Variants in ENTREP2 observed in about 807,000 individuals in gnomAD.
ENTREP2 encodes protein ENTREP2.
At chr15:29,370,491 C>A in the ENTREP2 span, among the ~76,000 whole-genome samples, 1 of 152,090 alleles carries the variant, frequency 6.6e-6, no homozygotes, top group Non-Finnish European at 1.5e-5. Context: ...GAACAACATT[C>A]TGAACAGCTG....
chr15:29,553,871 A>C, the ENTREP2 span, among the ~76,000 whole-genome samples: 17 of 152,298 alleles, frequency 1.1e-4, no homozygotes, highest in African/African-American at 3.6e-4. Context: ...ATCCAACACA[A>C]TCACATGAGA....
the ENTREP2 span, among the ~76,000 whole-genome samples, chr15:29,396,919 T>C: frequency 2.0e-5 from 3 of 152,202 alleles, no homozygotes. Context: ...GGCTATTCAA[T>C]AAATGGTTCT....
chr15:29,206,714 G>C, the ENTREP2 span, among the ~76,000 whole-genome samples: 1 of 152,086 alleles, frequency 6.6e-6, no homozygotes, highest in African/African-American at 2.4e-5. Flanking sequence ...CTCTAAAATT[G>C]ACTGGGGTGG....
At chr15:29,523,931 T>G in the ENTREP2 span, among the ~76,000 whole-genome samples, 1 of 152,072 alleles carries the variant, frequency 6.6e-6, no homozygotes, top group Non-Finnish European at 1.5e-5. Flanking sequence ...ACTATGAAAC[T>G]CTTAGAAAAA....
chr15:29,546,897 ACAACAAC>A, the ENTREP2 span, among the ~76,000 whole-genome samples: 874 of 54,322 alleles, frequency 0.016, 80 homozygotes, highest in East Asian at 0.024. Flanking sequence ...AAAAAAAAAA[ACAACAAC>A]AAAAAAAAAA....
chr15:29,350,468 A>ACTTTTC, the ENTREP2 span, among the ~76,000 whole-genome samples: 145 of 152,136 alleles, frequency 9.5e-4, 2 homozygotes, highest in East Asian at 0.026. Flanking sequence ...CCATTTCGTT[A>ACTTTTC]CTTTTCCTTT....
the ENTREP2 span, among the ~76,000 whole-genome samples, chr15:29,225,121 C>T: frequency 6.6e-6 from 1 of 152,184 alleles, no homozygotes; most frequent in African/African-American, 2.4e-5. Context: ...TTCCTGCTCA[C>T]GCCTCTCCCT....
the ENTREP2 span, among the ~76,000 whole-genome samples, chr15:29,336,334 C>CA: frequency 6.6e-6 from 1 of 151,638 alleles, no homozygotes; most frequent in Non-Finnish European, 1.5e-5. Context: ...TGTTTTGAGA[C>CA]AGAGTCTCAC....
At chr15:29,610,490 A>T in the ENTREP2 span, 1 of 150,718 alleles carries the variant, frequency 6.6e-6, no homozygotes, top group Admixed American at 6.7e-5. Flanking sequence ...AAAAAAAGAA[A>T]AAAACAAAAC....
chr15:29,474,420 A>G, the ENTREP2 span, among the ~76,000 whole-genome samples: 5 of 152,066 alleles, frequency 3.3e-5, no homozygotes, highest in Non-Finnish European at 7.4e-5. Context: ...AAACACATTA[A>G]AACACAAATG....
chr15:29,648,517 G>T, the ENTREP2 span, among the ~76,000 whole-genome samples: 1 of 152,168 alleles, frequency 6.6e-6, no homozygotes, highest in African/African-American at 2.4e-5. Context: ...CAGGACTATA[G>T]TACAGCAAAC....
At chr15:29,466,376 G>A in the ENTREP2 span, among the ~76,000 whole-genome samples, 28 of 152,258 alleles carry the variant, frequency 1.8e-4, no homozygotes, top group South Asian at 5.8e-3. Context: ...AGACACTGCA[G>A]CCCCCAGGAG....
At chr15:29,348,063 A>G in the ENTREP2 span, among the ~76,000 whole-genome samples, 120 of 152,280 alleles carry the variant, frequency 7.9e-4, no homozygotes, top group African/African-American at 2.6e-3. Context: ...AGCTTACCAG[A>G]GTGAGGGGAA....
At chr15:29,497,698 T>C in the ENTREP2 span, among the ~76,000 whole-genome samples, 1 of 152,136 alleles carries the variant, frequency 6.6e-6, no homozygotes, top group Non-Finnish European at 1.5e-5. Flanking sequence ...TAACAGTATG[T>C]CAATTTCATT....
chr15:29,402,703 AT>A, the ENTREP2 span, among the ~76,000 whole-genome samples: 1 of 152,190 alleles, frequency 6.6e-6, no homozygotes, highest in African/African-American at 2.4e-5. Context: ...AAAGTGCATA[AT>A]TTCCCTTCTG....
chr15:29,226,468 C>A, the ENTREP2 span, among the ~76,000 whole-genome samples: 12 of 152,206 alleles, frequency 7.9e-5, no homozygotes, highest in Non-Finnish European at 1.6e-4. Context: ...TGCTAAATTT[C>A]TCATGAAGCC....
chr15:29,212,050 G>A, the ENTREP2 span, among the ~76,000 whole-genome samples: 9 of 152,094 alleles, frequency 5.9e-5, no homozygotes, highest in Non-Finnish European at 1.0e-4. Context: ...CAAAAGGATT[G>A]GTACCAATTC....
At chr15:29,501,669 C>CA in the ENTREP2 span, among the ~76,000 whole-genome samples, 1 of 151,608 alleles carries the variant, frequency 6.6e-6, no homozygotes, top group East Asian at 1.9e-4. Context: ...ATAGCCAGGG[C>CA]AAAAAAGAAT....
At chr15:29,203,723 C>T in the ENTREP2 span, among the ~76,000 whole-genome samples, 5 of 152,140 alleles carry the variant, frequency 3.3e-5, no homozygotes, top group African/African-American at 1.2e-4. Flanking sequence ...ATTTTGTACC[C>T]TTTGATCTAT....
Sources: allele counts gnomAD v4.1 joint callset (sites outside exome capture counted in the v4.1 genomes callset), GRCh38; gene constraint gnomAD v4.1.1; transcripts MANE v1.5; gene names NCBI Gene and HGNC (gene_info 2026-07-23, HGNC 2026-07-21).